Variants in CACNA2D3 observed in about 807,000 individuals in gnomAD.
The protein encoded by CACNA2D3 is calcium voltage-gated channel auxiliary subunit alpha2delta 3, also known as voltage-dependent calcium channel subunit alpha-2/delta-3.
CACNA2D3 carries 60 observed loss-of-function variants against 160.6 expected under a neutral mutation model. The observed-to-expected ratio is 0.37, with a 90% confidence interval of 0.30 to 0.46. The LOEUF (loss-of-function observed/expected upper bound fraction) is 0.46. CACNA2D3 is among the 20% of genes least tolerant of loss of function. CACNA2D3 has a pLI of 1.00. For missense variants in CACNA2D3, 1,205 were observed against 1,365.0 expected (o/e 0.88, Z 1.85); for synonymous variants, 558 against 492.9 (o/e 1.13, Z -1.75).
intron 30 of CACNA2D3, among the ~76,000 whole-genome samples, chr3:54,985,220 T>A (rs1028364680): frequency 6.6e-6 from 1 of 152,162 alleles, no homozygotes; most frequent in African/African-American, 2.4e-5. Context: ...TATTCTTCAT[T>A]TGACTGCACC....
chr3:54,182,918 T>C (rs1700808007), intron 2 of CACNA2D3, among the ~76,000 whole-genome samples: 1 of 152,188 alleles, frequency 6.6e-6, no homozygotes, highest in African/African-American at 2.4e-5. Flanking sequence ...CTATCAGACA[T>C]TGGGTGGAAA....
chr3:54,723,140 G>A (rs1413648278), intron 11 of CACNA2D3, among the ~76,000 whole-genome samples: 1 of 152,238 alleles, frequency 6.6e-6, no homozygotes, highest in Non-Finnish European at 1.5e-5. Context: ...TTGCTGAGCA[G>A]CAGTGGGCTA....
At chr3:55,008,502 C>G (rs1703144699) in intron 33 of CACNA2D3, among the ~76,000 whole-genome samples, 1 of 152,142 alleles carries the variant, frequency 6.6e-6, no homozygotes, top group African/African-American at 2.4e-5. Flanking sequence ...CTTATTTCCC[C>G]TGCTTATTTC....
At chr3:54,556,225 G>A (rs1702240063) in intron 5 of CACNA2D3, among the ~76,000 whole-genome samples, 1 of 152,120 alleles carries the variant, frequency 6.6e-6, no homozygotes, top group Admixed American at 6.5e-5. Context: ...ATTAATTTAA[G>A]GATCTTGAGA....
chr3:54,796,240 C>CA (rs1257169116), intron 13 of CACNA2D3, among the ~76,000 whole-genome samples: 1 of 151,938 alleles, frequency 6.6e-6, no homozygotes, highest in Admixed American at 6.6e-5. Flanking sequence ...ACTATCAGAT[C>CA]AAAAAACAGG....
intron 11 of CACNA2D3, among the ~76,000 whole-genome samples, chr3:54,742,405 G>T (rs935972154): frequency 1.3e-5 from 2 of 152,064 alleles, no homozygotes; most frequent in South Asian, 4.1e-4. Flanking sequence ...GTGGCAGAGT[G>T]AGACTGTGTC....
chr3:54,158,888 T>G (rs1455801226), intron 2 of CACNA2D3, among the ~76,000 whole-genome samples: 2 of 152,234 alleles, frequency 1.3e-5, no homozygotes, highest in Admixed American at 1.3e-4. Context: ...GCACATGAAA[T>G]CGAACTCCCT....
intron 11 of CACNA2D3, among the ~76,000 whole-genome samples, chr3:54,715,402 A>G (rs934767397): frequency 6.6e-6 from 1 of 152,134 alleles, no homozygotes; most frequent in African/African-American, 2.4e-5. Context: ...CAGCTGTCTG[A>G]AACCTCTCAG....
chr3:55,068,647 G>A (rs151303776), intron 35 of CACNA2D3, among the ~76,000 whole-genome samples: 91 of 152,068 alleles, frequency 6.0e-4, no homozygotes, highest in Non-Finnish European at 9.7e-4. Flanking sequence ...CCCACTCAAC[G>A]TCTTGGGTCT....
chr3:54,644,088 A>G (rs898904463), intron 11 of CACNA2D3, among the ~76,000 whole-genome samples: 3 of 152,148 alleles, frequency 2.0e-5, no homozygotes, highest in African/African-American at 7.2e-5. Flanking sequence ...TTACCCAAGA[A>G]TATTGATATT....
intron 4 of CACNA2D3, among the ~76,000 whole-genome samples, chr3:54,478,660 G>GTATATATATATATATATATATATATA (rs375465672): frequency 2.7e-5 from 1 of 36,376 alleles, no homozygotes; most frequent in African/African-American, 7.2e-5. Context: ...ATATGTGTGT[G>GTATATATATATATATATATATATATA]TATATATATA....
chr3:54,324,430 CT>C (rs900873153), intron 3 of CACNA2D3, among the ~76,000 whole-genome samples: 2 of 152,072 alleles, frequency 1.3e-5, no homozygotes, highest in East Asian at 3.9e-4. Context: ...CTATATGTAA[CT>C]TTTTTTTGAG....
chr3:54,666,566 A>G (rs2106890393), intron 11 of CACNA2D3, among the ~76,000 whole-genome samples: 1 of 152,368 alleles, frequency 6.6e-6, no homozygotes, highest in Non-Finnish European at 1.5e-5. Flanking sequence ...ATAGTGATAA[A>G]GAAAAGTCAG....
At chr3:54,852,415 C>T (rs544187721) in intron 17 of CACNA2D3, among the ~76,000 whole-genome samples, 4 of 152,198 alleles carry the variant, frequency 2.6e-5, no homozygotes, top group African/African-American at 9.7e-5. Context: ...GATGCCAAAG[C>T]CATTTCTGTT....
chr3:54,640,958 A>C (rs1699505086), intron 10 of CACNA2D3, among the ~76,000 whole-genome samples: 1 of 152,010 alleles, frequency 6.6e-6, no homozygotes, highest in South Asian at 2.1e-4. Context: ...TGAAGGTAAG[A>C]GAGGTTGTGC....
At chr3:54,667,275 A>G (rs1353326890) in intron 11 of CACNA2D3, among the ~76,000 whole-genome samples, 1 of 152,166 alleles carries the variant, frequency 6.6e-6, no homozygotes, top group African/African-American at 2.4e-5. Context: ...CAGGATTAGA[A>G]GAAAACAAAG....
rs1171622554 is a variant in CACNA2D3, at chr3:54,859,912, G to A, written c.1627-11627G>A. Among the ~76,000 whole-genome samples the A allele has an allele frequency of 3.3e-5, 5 of 151,256 alleles. No homozygotes were observed. In the South Asian group the frequency reaches 1.0e-3, roughly 32 times the overall value. On this transcript the variant is annotated intron_variant, in intron 17 of 37. Transcript: ENST00000474759. Reference sequence around the variant, plus strand: ...AGATCAAGGTAGGCAATTCACCCCAGGCAGAGCTGAAGCCCCACTCTGCAA... The same window carrying A: ...AGATCAAGGTAGGCAATTCACCCCAAGCAGAGCTGAAGCCCCACTCTGCAA...
chr3:54,892,429 G>A (rs1265454058), intron 25 of CACNA2D3, among the ~76,000 whole-genome samples: 1 of 152,072 alleles, frequency 6.6e-6, no homozygotes, highest in Non-Finnish European at 1.5e-5. Context: ...GTGAGGCCCT[G>A]ACACCCACCA....
At chr3:54,768,855 T>A (rs979358471) in intron 13 of CACNA2D3, among the ~76,000 whole-genome samples, 5 of 152,198 alleles carry the variant, frequency 3.3e-5, no homozygotes, top group Admixed American at 2.6e-4. Flanking sequence ...GTTCTGTTGC[T>A]GTATCTTTGC....
Sources: gnomAD v4.1 joint callset for allele counts (sites outside exome capture counted in the v4.1 genomes callset) on GRCh38, gnomAD v4.1.1 for gene constraint, MANE v1.5 for transcripts, NCBI Gene and HGNC (gene_info 2026-07-23, HGNC 2026-07-21) for gene names.